The following EPHA6 variants were observed in gnomAD, a reference collection of about 807,000 sequenced individuals.
The protein encoded by EPHA6 is EPH receptor A6.
Under a neutral mutation model 112.0 loss-of-function variants are expected in EPHA6, and 50 were observed. The ratio of observed to expected loss-of-function variants is 0.45; its 90% CI spans 0.36 to 0.56. The LOEUF (loss-of-function observed/expected upper bound fraction) is 0.56. EPHA6 is among the 20% of genes least tolerant of loss of function. The pLI, the probability that EPHA6 is intolerant of heterozygous loss-of-function variation, is 0.00. For missense variants in EPHA6, 1,280 were observed against 1,417.4 expected, an observed-to-expected ratio of 0.90 and a Z score of 1.56; for synonymous variants, 529 against 490.7, an observed-to-expected ratio of 1.08 and a Z score of -1.03.
intron 11 of EPHA6, among the ~76,000 whole-genome samples, chr3:97,555,178 G>T (rs956480281): frequency 6.6e-6 from 1 of 151,650 alleles, no homozygotes. Context: ...AGAACATGCG[G>T]TGTTTGGTTT....
chr3:96,847,239 A>G (rs1019993044), intron 1 of EPHA6, among the ~76,000 whole-genome samples: 4 of 152,092 alleles, frequency 2.6e-5, no homozygotes, highest in Non-Finnish European at 5.9e-5. Context: ...CCATTAATAA[A>G]ATATTATGTG....
chr3:97,198,954 TTCTC>T (rs1398615162), intron 3 of EPHA6, among the ~76,000 whole-genome samples: 1 of 152,146 alleles, frequency 6.6e-6, no homozygotes, highest in African/African-American at 2.4e-5. Flanking sequence ...ATGGCATTCT[TTCTC>T]TCCAGTTTCC....
chr3:97,338,909 T>C (rs964811733), intron 5 of EPHA6, among the ~76,000 whole-genome samples: 17 of 152,182 alleles, frequency 1.1e-4, no homozygotes, highest in African/African-American at 4.1e-4. Flanking sequence ...AGGAACTCAA[T>C]CACCACTGTG....
At chr3:97,428,064 C>A (rs76424920) in intron 6 of EPHA6, among the ~76,000 whole-genome samples, 18,630 of 151,554 alleles carry the variant, frequency 0.12, 3,645 homozygotes, top group African/African-American at 0.41. Context: ...AAAAGTTGGA[C>A]AGAAAAAAAT....
intron 3 of EPHA6, among the ~76,000 whole-genome samples, chr3:97,119,800 T>C (rs2047992345): frequency 6.6e-6 from 1 of 152,066 alleles, no homozygotes; most frequent in African/African-American, 2.4e-5. Context: ...TCAAATGGTT[T>C]ATGGTAAACT....
chr3:97,133,437 A>G (rs1184272924), intron 3 of EPHA6, among the ~76,000 whole-genome samples: 2 of 152,058 alleles, frequency 1.3e-5, no homozygotes, highest in African/African-American at 4.8e-5. Context: ...CTGTTTTCCT[A>G]CAAAAAAAAT....
At chr3:97,100,278 G>A (rs1375215404) in intron 3 of EPHA6, among the ~76,000 whole-genome samples, 4 of 150,080 alleles carry the variant, frequency 2.7e-5, no homozygotes, top group East Asian at 3.9e-4. Flanking sequence ...GATATATGGA[G>A]CTTAACATTC....
intron 3 of EPHA6, among the ~76,000 whole-genome samples, chr3:97,113,197 CA>C (rs1219834518): frequency 6.6e-6 from 1 of 152,036 alleles, no homozygotes; most frequent in Non-Finnish European, 1.5e-5. Flanking sequence ...CCATTGTCTT[CA>C]CTGTGATTTA....
intron 6 of EPHA6, among the ~76,000 whole-genome samples, chr3:97,436,814 C>T (rs1215137963): frequency 2.0e-5 from 3 of 152,120 alleles, no homozygotes; most frequent in Admixed American, 6.6e-5. Flanking sequence ...ATTTCATCTT[C>T]AAAGAATTTT....
intron 3 of EPHA6, among the ~76,000 whole-genome samples, chr3:97,168,575 GTCTCTC>G (rs200247205): frequency 6.9e-6 from 1 of 144,798 alleles, no homozygotes; most frequent in Admixed American, 6.9e-5. Context: ...CTTTCTCTCT[GTCTCTC>G]TCTCTCTCTC....
rs1488660556 is a variant in EPHA6, at chr3:96,814,888, A to C, written c.265A>C (p.Arg89=). ...CRHFSLRERK[R]EPRRTMGGCE... ...CCACTTCTCTTTAAGGGAGAGGAAA[A>C]GAGAGCCTAGGAGAACCATGGGGGG... is the stretch of plus-strand genomic sequence containing the variant. Residue 89 remains arginine (R), a synonymous_variant, in exon 1 of 18, where the codon AGA becomes CGA. Coordinates refer to ENST00000389672, the MANE Select transcript of EPHA6 (RefSeq NM_001080448.3). 2.6e-6 allele frequency: 4 copies of C among 1,554,668 alleles called. No homozygotes were observed. In the African/African-American group the frequency reaches 4.1e-5, roughly 16 times the overall value.
intron 11 of EPHA6, among the ~76,000 whole-genome samples, chr3:97,534,688 A>G (rs2092739374): frequency 6.6e-6 from 1 of 152,056 alleles, no homozygotes; most frequent in South Asian, 2.1e-4. Flanking sequence ...TATGACCTAA[A>G]AGAGAGAAAC....
At chr3:96,999,387 G>A (rs1280993535) in intron 3 of EPHA6, among the ~76,000 whole-genome samples, 1 of 151,888 alleles carries the variant, frequency 6.6e-6, no homozygotes, top group South Asian at 2.1e-4. Context: ...CAGACTTCTT[G>A]CCTTTAGTAA....
At chr3:97,571,319 A>G (rs2093330677) in intron 11 of EPHA6, among the ~76,000 whole-genome samples, 1 of 152,108 alleles carries the variant, frequency 6.6e-6, no homozygotes, top group Non-Finnish European at 1.5e-5. Context: ...GTGGCATGGT[A>G]GAAAAAAGAC....
intron 3 of EPHA6, among the ~76,000 whole-genome samples, chr3:97,196,770 C>T (rs1205679064): frequency 3.5e-5 from 4 of 113,928 alleles, no homozygotes; most frequent in Admixed American, 8.8e-5. Context: ...GGGTAAGATC[C>T]GAATGAATTC....
chr3:97,450,317 G>A (rs959909164), intron 7 of EPHA6, among the ~76,000 whole-genome samples: 10 of 152,068 alleles, frequency 6.6e-5, no homozygotes, highest in East Asian at 1.9e-4. Flanking sequence ...CAAGATTGTC[G>A]AATTATTGTC....
At chr3:96,856,854 T>C (rs2035730562) in intron 1 of EPHA6, among the ~76,000 whole-genome samples, 1 of 152,116 alleles carries the variant, frequency 6.6e-6, no homozygotes, top group Non-Finnish European at 1.5e-5. Flanking sequence ...GGGAGACAAA[T>C]CATCAGTGAA....
At chr3:97,430,888 G>A (rs1158718983) in intron 6 of EPHA6, among the ~76,000 whole-genome samples, 1 of 152,038 alleles carries the variant, frequency 6.6e-6, no homozygotes, top group Admixed American at 6.6e-5. Context: ...CACACCTGCT[G>A]CTCATAAAAA....
At chr3:97,135,072 A>G (rs1021770708) in intron 3 of EPHA6, among the ~76,000 whole-genome samples, 4 of 152,160 alleles carry the variant, frequency 2.6e-5, no homozygotes, top group African/African-American at 9.7e-5. Context: ...TCAGTATACC[A>G]AAGTGGCATA....
Sources: gnomAD v4.1 joint callset for allele counts (sites outside exome capture counted in the v4.1 genomes callset) on GRCh38, gnomAD v4.1.1 for gene constraint, MANE v1.5 for transcripts, NCBI Gene and HGNC (gene_info 2026-07-23, HGNC 2026-07-21) for gene names.